The following HDAC8 variants were observed in gnomAD, a reference collection of about 807,000 sequenced individuals.
HDAC8 encodes the protein histone deacetylase-like 1.
HDAC8 carries 1 observed loss-of-function variant against 32.2 expected under a neutral mutation model. The observed-to-expected ratio is 0.03, with a 90% CI of 0.01 to 0.15. HDAC8 has a LOEUF of 0.15. Ranked by LOEUF, HDAC8 falls within the 10% of genes least tolerant of loss-of-function variation. The pLI, the probability that HDAC8 is intolerant of heterozygous loss-of-function variation, is 1.00. For missense variants in HDAC8, 117 were observed against 300.0 expected (o/e 0.39, Z 4.51); for synonymous variants, 108 against 113.9 (o/e 0.95, Z 0.33).
At chrX:72,557,134 C>T (rs1248351445) in intron 4 of HDAC8, among the ~76,000 whole-genome samples, 3 of 111,076 alleles carry the variant, frequency 2.7e-5, no homozygotes, top group South Asian at 3.8e-4. Context: ...ACCCGGGAGG[C>T]GGAGCTTGCA....
chrX:72,441,094 C>A (rs782105192), intron 9 of HDAC8, among the ~76,000 whole-genome samples: 89 of 113,124 alleles, frequency 7.9e-4, no homozygotes, highest in African/African-American at 2.8e-3. Context: ...GTAGGCTCCA[C>A]CTCCGGGGGC....
At chrX:72,387,275 A>G (rs1289753115) in intron 9 of HDAC8, among the ~76,000 whole-genome samples, 1 of 111,649 alleles carries the variant, frequency 9.0e-6, no homozygotes, top group Non-Finnish European at 1.9e-5. Flanking sequence ...GAAGAGGGAA[A>G]TCCTTTGGCT....
chrX:72,391,410 TAA>T lies in HDAC8; in HGVS notation c.1006-39574_1006-39573del, dbSNP rs2045608679. 2.7e-5 allele frequency among the ~76,000 whole-genome samples: 3 copies of T among 112,378 alleles called. No individual in the cohort carries two copies. The South Asian group carries it at 1.1e-3, about 42-fold the overall frequency. On this transcript the variant is annotated intron_variant, in intron 9 of 10. Coordinates refer to ENST00000373573, the MANE Select transcript of HDAC8 (RefSeq NM_018486.3). ...TGATCCTTGACAGTGCAGTAATTTA[TAA>T]ATGGAAAGAGATAGGGAACTCATCA...
At chrX:72,358,545 G>C (rs149836519) in intron 9 of HDAC8, among the ~76,000 whole-genome samples, 2,164 of 111,816 alleles carry the variant, frequency 0.019, 53 homozygotes, top group African/African-American at 0.067. Context: ...GGGTGGGAGG[G>C]AGCAGGACAG....
At chrX:72,511,677 T>C (rs782731481) in intron 4 of HDAC8, among the ~76,000 whole-genome samples, 2 of 112,312 alleles carry the variant, frequency 1.8e-5, no homozygotes, top group South Asian at 7.3e-4. Flanking sequence ...GAGTGTTTGC[T>C]TTAAAATGCA....
At chrX:72,385,596 C>A (rs2045402866) in intron 9 of HDAC8, among the ~76,000 whole-genome samples, 1 of 111,529 alleles carries the variant, frequency 9.0e-6, no homozygotes, top group South Asian at 3.8e-4. Context: ...TTTTTATATT[C>A]ACATATCTAC....
chrX:72,537,012 G>T (rs1222373549), intron 4 of HDAC8, among the ~76,000 whole-genome samples: 2 of 111,751 alleles, frequency 1.8e-5, no homozygotes, highest in African/African-American at 6.5e-5. Flanking sequence ...CTCCCAGATT[G>T]GCCTCCCTTA....
intron 4 of HDAC8, among the ~76,000 whole-genome samples, chrX:72,518,540 A>G (rs1013315168): frequency 1.4e-4 from 16 of 111,568 alleles, no homozygotes; most frequent in African/African-American, 4.9e-4. Context: ...AACATTTTGT[A>G]TTAGCGTGAT....
chrX:72,560,799 G>T (rs2051531913), intron 4 of HDAC8, among the ~76,000 whole-genome samples: 1 of 108,498 alleles, frequency 9.2e-6, no homozygotes, highest in Admixed American at 9.8e-5. Context: ...TGTCTATTGG[G>T]ACAACCATAT....
intron 7 of HDAC8, among the ~76,000 whole-genome samples, chrX:72,482,611 G>C (rs782267821): frequency 3.6e-5 from 4 of 110,557 alleles, no homozygotes; most frequent in South Asian, 7.8e-4. Context: ...TTGGGGGGGG[G>C]GATTTTCTGC....
chrX:72,371,258 G>A (rs1040352773), intron 9 of HDAC8, among the ~76,000 whole-genome samples: 11 of 111,657 alleles, frequency 9.9e-5, no homozygotes, highest in African/African-American at 3.3e-4. Flanking sequence ...TGGGTACATG[G>A]GGGTTCATTA....
At chrX:72,368,712 T>A (rs1367629257) in intron 9 of HDAC8, among the ~76,000 whole-genome samples, 1 of 112,456 alleles carries the variant, frequency 8.9e-6, no homozygotes, top group Non-Finnish European at 1.9e-5. Flanking sequence ...TTACATGCTG[T>A]CCTTCCCCAT....
chrX:72,463,114 G>A (rs782645240), intron 8 of HDAC8, among the ~76,000 whole-genome samples: 2 of 111,177 alleles, frequency 1.8e-5, no homozygotes, highest in African/African-American at 3.3e-5. Flanking sequence ...CTCCCTCTAC[G>A]AATTGTGTGT....
At chrX:72,453,460 A>AGAAAGAAAAGAAAGAAAGAAAGAAAG (rs2047627646) in intron 9 of HDAC8, among the ~76,000 whole-genome samples, 2 of 43,500 alleles carry the variant, frequency 4.6e-5, no homozygotes, top group Admixed American at 2.8e-4. Flanking sequence ...CTGTCTCTTA[A>AGAAAGAAAAGAAAGAAAGAAAGAAAG]AAATAAAGAA....
chrX:72,387,081 C>G (rs1037183454), intron 9 of HDAC8, among the ~76,000 whole-genome samples: 1 of 112,234 alleles, frequency 8.9e-6, no homozygotes, highest in Non-Finnish European at 1.9e-5. Flanking sequence ...GAAAACAAAA[C>G]AAAATCATAG....
At chrX:72,381,740 T>G (rs376727709) in intron 9 of HDAC8, among the ~76,000 whole-genome samples, 2 of 112,375 alleles carry the variant, frequency 1.8e-5, no homozygotes, top group East Asian at 5.6e-4. Flanking sequence ...ATTCAGGAAC[T>G]GTGCACTCAA....
Position 72,488,913 on chromosome X carries a change from G to T in HDAC8, c.737+20C>A. 1 of 989,144 alleles carries T rather than the reference G, an allele frequency of 1.0e-6. No homozygotes were observed. Among genetic ancestry groups the T allele is most frequent in the Non-Finnish European group, 1.4e-6 (1 of 708,657 alleles). The allele number at this position is 989,144 out of a possible 1,213,427, so 81.5% of individuals were successfully genotyped here. On this transcript the variant is annotated intron_variant, in intron 7 of 10. Transcript: ENST00000373573. ...ACAGAACTGCAATCCACTTATTACTGGCTAGTGTTACTGCCATACCTTTCA... is the reference window on the plus strand; with the variant it reads ...ACAGAACTGCAATCCACTTATTACTTGCTAGTGTTACTGCCATACCTTTCA...
chrX:72,347,346 C>G (rs782621005), intron 10 of HDAC8, among the ~76,000 whole-genome samples: 24 of 111,808 alleles, frequency 2.1e-4, no homozygotes, highest in Non-Finnish European at 4.0e-4. Context: ...TCTGCCTCCC[C>G]CTTCCCTCCT....
intron 10 of HDAC8, among the ~76,000 whole-genome samples, chrX:72,349,105 T>C (rs2044105679): frequency 8.9e-6 from 1 of 112,521 alleles, no homozygotes; most frequent in African/African-American, 3.2e-5. Flanking sequence ...AAATCTGCCT[T>C]TTTAAAATAT....
Sources: allele counts gnomAD v4.1 joint callset (sites outside exome capture counted in the v4.1 genomes callset), GRCh38; gene constraint gnomAD v4.1.1; transcripts MANE v1.5; gene names NCBI Gene and HGNC (gene_info 2026-07-23, HGNC 2026-07-21).